DNAH14: variants seen among roughly 807,000 people sequenced by gnomAD.
DNAH14 encodes the protein axonemal beta dynein heavy chain 14.
DNAH14 carries 478 observed loss-of-function variants against 520.9 expected under a neutral mutation model. The observed-to-expected ratio is 0.92, with a 90% CI of 0.85 to 0.99. DNAH14 has a LOEUF of 0.99. DNAH14 is among the 50% of genes least tolerant of loss of function. The pLI is 0.00. For missense variants in DNAH14, 4,831 were observed against 5,234.5 expected (o/e 0.92, Z 2.38); for synonymous variants, 1,581 against 1,757.2 (o/e 0.90, Z 2.51).
intron 78 of DNAH14, among the ~76,000 whole-genome samples, chr1:225,376,102 A>G (rs1330682890): frequency 1.3e-5 from 2 of 151,976 alleles, no homozygotes; most frequent in African/African-American, 4.8e-5. Context: ...AGAAGGAAAA[A>G]AAACTGTTTA....
chr1:225,207,795 T>A (rs1471634660), intron 41 of DNAH14, among the ~76,000 whole-genome samples: 1 of 152,174 alleles, frequency 6.6e-6, no homozygotes, highest in African/African-American at 2.4e-5. Context: ...GAAATCATTA[T>A]AAATCCCTGA....
chr1:225,199,396 CT>C (rs1162265855), intron 38 of DNAH14, among the ~76,000 whole-genome samples: 2 of 151,742 alleles, frequency 1.3e-5, no homozygotes, highest in Non-Finnish European at 2.9e-5. Flanking sequence ...TTGGTTTGTT[CT>C]TGTTTCTCTA....
rs549312820 is a variant in DNAH14 at position 225,276,373 on chromosome 1, G to A, written c.8178+292G>A. ...GACAAGGTACACAACTGAGGTTATA[G>A]GAAGTTGAATGAATAGAGTTCATGA... On this transcript the variant is annotated intron_variant, in intron 53 of 85. Transcript: ENST00000682510. Among the ~76,000 whole-genome samples, 10 of 152,276 alleles carry A rather than the reference G, an allele frequency of 6.6e-5. No homozygotes were observed. In the South Asian group the frequency reaches 1.9e-3, roughly 28 times the overall value.
chr1:225,202,565 T>C (rs980509970), intron 38 of DNAH14, among the ~76,000 whole-genome samples: 8 of 152,112 alleles, frequency 5.3e-5, no homozygotes, highest in African/African-American at 1.9e-4. Flanking sequence ...ACCGGGTCTG[T>C]TTCCAGGCAG....
chr1:225,128,035 C>T (rs1366753640), intron 27 of DNAH14, among the ~76,000 whole-genome samples: 1 of 152,110 alleles, frequency 6.6e-6, no homozygotes, highest in Non-Finnish European at 1.5e-5. Context: ...TGAATATTGG[C>T]CCCCACTCTC....
chr1:225,181,708 C>A (rs2084025583), intron 36 of DNAH14, among the ~76,000 whole-genome samples: 1 of 151,668 alleles, frequency 6.6e-6, no homozygotes, highest in African/African-American at 2.4e-5. Flanking sequence ...TTGTTGAATT[C>A]TTTAAGTTGC....
intron 41 of DNAH14, among the ~76,000 whole-genome samples, chr1:225,211,785 C>G (rs1004131556): frequency 1.3e-5 from 2 of 152,216 alleles, no homozygotes; most frequent in Admixed American, 1.3e-4. Flanking sequence ...ATCAGACTAA[C>G]AGTATATCTC....
Position 224,952,637 on chromosome 1 carries a change from A to G in DNAH14, c.-33-33A>G, listed in dbSNP as rs879071205. On this transcript the variant is annotated intron_variant, in intron 1 of 85. Coordinates refer to ENST00000682510, the MANE Select transcript of DNAH14 (RefSeq NM_001367479.1). ...TGTCATAGCTGTCAGATTGTATTGT[A>G]TATTAAATATAATAATGTGAATTTT... The G allele has an allele frequency of 1.2e-5, 14 of 1,197,622 alleles. No homozygotes were observed. The South Asian group carries it at 1.8e-4, about 15-fold the overall frequency. The allele number at this position is 1,197,622 out of a possible 1,614,324, so 74.2% of individuals were successfully genotyped here.
chr1:224,973,553 T>C (rs2061630345), intron 7 of DNAH14, among the ~76,000 whole-genome samples: 1 of 152,224 alleles, frequency 6.6e-6, no homozygotes, highest in South Asian at 2.1e-4. Flanking sequence ...ATGACAATTA[T>C]TGATGATGAG....
intron 11 of DNAH14, among the ~76,000 whole-genome samples, chr1:225,034,515 T>TTGTGTGTGTGTGTG (rs71170047): frequency 0.021 from 3,040 of 147,708 alleles, 81 homozygotes; most frequent in African/African-American, 0.049. Context: ...TGGCTTGAAT[T>TTGTGTGTGTGTGTG]TGTGTGTGTG....
At chr1:225,066,898 T>C (rs778786528) in intron 17 of DNAH14, among the ~76,000 whole-genome samples, 3 of 152,278 alleles carry the variant, frequency 2.0e-5, no homozygotes, top group South Asian at 2.1e-4. Flanking sequence ...CACTCATTGG[T>C]TGATGGGCAC....
intron 48 of DNAH14, 69 bp downstream of exon 48, chr1:225,265,438 T>C (rs2093076864): frequency 7.6e-7 from 1 of 1,314,344 alleles, no homozygotes; most frequent in South Asian, 1.6e-5. Context: ...TTTTAATTAA[T>C]ACTAATCAGA....
chr1:225,318,535 C>A, intron 60 of DNAH14, 48 bp from the exon 61 acceptor site: 1 of 1,455,618 alleles, frequency 6.9e-7, no homozygotes, highest in Non-Finnish European at 9.2e-7. Flanking sequence ...TTTAAATATG[C>A]AACTATATTG....
intron 17 of DNAH14, among the ~76,000 whole-genome samples, chr1:225,057,075 T>A (rs1051282506): frequency 1.1e-4 from 16 of 152,314 alleles, no homozygotes; most frequent in East Asian, 1.9e-4. Flanking sequence ...GAAGAAAGTC[T>A]TTGGTAGCTT....
At chr1:225,059,947 G>A (rs1173477355) in intron 17 of DNAH14, among the ~76,000 whole-genome samples, 1 of 151,948 alleles carries the variant, frequency 6.6e-6, no homozygotes, top group Non-Finnish European at 1.5e-5. Flanking sequence ...TTTCTCTCTG[G>A]CTGCCCTTAA....
intron 11 of DNAH14, among the ~76,000 whole-genome samples, chr1:225,026,509 A>G (rs1374871681): frequency 2.0e-5 from 3 of 152,154 alleles, no homozygotes; most frequent in Non-Finnish European, 4.4e-5. Context: ...GTTGAAAAGA[A>G]TAACACTATT....
intron 52 of DNAH14, among the ~76,000 whole-genome samples, chr1:225,274,597 A>G (rs1041143973): frequency 3.3e-5 from 5 of 152,206 alleles, no homozygotes; most frequent in Admixed American, 3.3e-4. Flanking sequence ...GCTTATTACT[A>G]TCTTGGGAGA....
At position 225,360,894 on chromosome 1, in the gene DNAH14, AAG is replaced by A; in HGVS notation, c.11987+6_11987+7del. ...AGGCTTTGCACAATTGTAGAATCGT[AAG>A]AGTTTTACATTTATCTGTAAGGGAT... On this transcript the variant is annotated splice_donor_5th_base_variant and intron_variant, in intron 75 of 85. Transcript: ENST00000682510. 1 of 1,550,798 alleles carries A rather than the reference AAG, an allele frequency of 6.4e-7. No homozygotes were observed. Among genetic ancestry groups the A allele is most frequent in the Admixed American group, 2.0e-5 (1 of 50,978 alleles).
intron 60 of DNAH14, among the ~76,000 whole-genome samples, chr1:225,316,403 A>G (rs1429540788): frequency 6.6e-6 from 1 of 152,154 alleles, no homozygotes; most frequent in Non-Finnish European, 1.5e-5. Flanking sequence ...GGGGTATGAA[A>G]AAAAACTCCT....
Sources: allele counts gnomAD v4.1 joint callset (sites outside exome capture counted in the v4.1 genomes callset), GRCh38; gene constraint gnomAD v4.1.1; transcripts MANE v1.5; gene names NCBI Gene and HGNC (gene_info 2026-07-23, HGNC 2026-07-21).